Variants in ECPAS observed in about 807,000 individuals in gnomAD.
ECPAS encodes the protein proteasome adapter and scaffold protein ECM29.
ECPAS carries 70 observed loss-of-function variants against 255.1 expected under a neutral mutation model. The observed-to-expected ratio is 0.27, with a 90% CI of 0.23 to 0.33. ECPAS has a LOEUF of 0.33. Among genes scored for constraint, ECPAS ranks in the 10% least tolerant of loss-of-function variants. The probability of loss-of-function intolerance (pLI) is 1.00; values close to 1 mark genes in which losing one functional copy is unlikely to be tolerated. For missense variants in ECPAS, 1,817 were observed against 2,206.4 expected (o/e 0.82, Z 3.54); for synonymous variants, 784 against 775.0 (o/e 1.01, Z -0.19).
rs973238637 is a variant in ECPAS, at chr9:111,484,211, A to G, written c.-178T>C. ...GCGTTCGGCGGGCCGGGCCCCGGGG[A>G]GCCGCGCGCCGCAGTCCGTGAGGGG... On this transcript the variant is annotated 5_prime_UTR_variant, in exon 1 of 50. Transcript: ENST00000684092. 125 of 1,470,422 alleles carry G rather than the reference A, an allele frequency of 8.5e-5. No homozygotes were observed. Among genetic ancestry groups the G allele is most frequent in the Non-Finnish European group, 1.0e-4 (114 of 1,114,840 alleles). The allele number at this position is 1,470,422 out of a possible 1,614,324, so 91.1% of individuals were successfully genotyped here.
chr9:111,463,617 G>A (rs1412379765), intron 2 of ECPAS, among the ~76,000 whole-genome samples: 3 of 152,184 alleles, frequency 2.0e-5, no homozygotes, highest in Non-Finnish European at 4.4e-5. Context: ...AAGATTGAGT[G>A]TGACAAAAGC....
intron 24 of ECPAS, among the ~76,000 whole-genome samples, chr9:111,398,898 T>C (rs1013658017): frequency 5.3e-5 from 8 of 151,800 alleles, no homozygotes; most frequent in African/African-American, 9.7e-5. Flanking sequence ...GATTGCACCA[T>C]TGCACTCCAG....
At chr9:111,414,052 T>G (rs1445977246) in intron 19 of ECPAS, 66 bp from the exon 20 acceptor site, 13 of 1,103,342 alleles carry the variant, frequency 1.2e-5, no homozygotes, top group African/African-American at 1.6e-5. Flanking sequence ...GATCACTAAA[T>G]TCCTTTAAAG....
chr9:111,422,785 GA>G (rs975545576), intron 13 of ECPAS, among the ~76,000 whole-genome samples: 2 of 150,574 alleles, frequency 1.3e-5, no homozygotes, highest in Admixed American at 1.3e-4. Flanking sequence ...ACATTGAGAA[GA>G]AAAAAAAATC....
At chr9:111,402,180 T>C (rs982783804) in intron 24 of ECPAS, among the ~76,000 whole-genome samples, 2 of 152,234 alleles carry the variant, frequency 1.3e-5, no homozygotes, top group African/African-American at 2.4e-5. Context: ...TGGTAAGTGT[T>C]CATGAAATCT....
intron 24 of ECPAS, 46 bp downstream of exon 24, chr9:111,408,525 A>G: frequency 1.7e-6 from 2 of 1,198,188 alleles, no homozygotes; most frequent in Non-Finnish European, 2.3e-6. Context: ...AAAAAGACCA[A>G]TGCCTTTTCT....
intron 42 of ECPAS, 21 bp from the exon 43 acceptor site, chr9:111,371,850 C>T: frequency 6.3e-7 from 1 of 1,585,876 alleles, no homozygotes; most frequent in East Asian, 2.2e-5. Flanking sequence ...AAAATTAAAA[C>T]AACTTTTAAG....
chr9:111,423,022 T>C lies in ECPAS; in HGVS notation c.1265+177A>G, dbSNP rs1199312161. Among the ~76,000 whole-genome samples, 4 of 152,304 alleles carry C rather than the reference T, an allele frequency of 2.6e-5. No individual in the cohort carries two copies. The East Asian group carries it at 7.7e-4, about 29-fold the overall frequency. ...ACAGTAACATACCTTCAAATGTAAA[T>C]TAAAATGTCTCACATCTTTTTCCTT... On this transcript the variant is annotated intron_variant, in intron 13 of 49. Transcript: ENST00000684092.
chr9:111,394,338 T>G, intron 25 of ECPAS, 33 bp from the exon 26 acceptor site: 1 of 1,484,470 alleles, frequency 6.7e-7, no homozygotes, highest in South Asian at 1.4e-5. Flanking sequence ...AACAAAGAAT[T>G]AAAATAACTC....
At chr9:111,410,931 C>A in intron 22 of ECPAS, 49 bp downstream of exon 22, 3 of 1,531,946 alleles carry the variant, frequency 2.0e-6, no homozygotes, top group Non-Finnish European at 1.8e-6. Context: ...TAAAATTTAA[C>A]ATAATTCAAA....
intron 1 of ECPAS, among the ~76,000 whole-genome samples, chr9:111,479,389 A>C (rs1057103758): frequency 6.7e-6 from 1 of 149,982 alleles, no homozygotes; most frequent in African/African-American, 2.4e-5. Flanking sequence ...TGAGGTCAGG[A>C]GGTCGAGACC....
At chr9:111,388,818 G>C (rs1484863426) in intron 31 of ECPAS, among the ~76,000 whole-genome samples, 1 of 152,140 alleles carries the variant, frequency 6.6e-6, no homozygotes, top group Non-Finnish European at 1.5e-5. Context: ...AATAAAGTAT[G>C]ACACCAAGTT....
At chr9:111,444,872 G>A (rs1008652923) in intron 3 of ECPAS, among the ~76,000 whole-genome samples, 8 of 152,058 alleles carry the variant, frequency 5.3e-5, no homozygotes, top group East Asian at 1.9e-4. Context: ...CAGCATGCCC[G>A]GCTAATTTTT....
intron 1 of ECPAS, among the ~76,000 whole-genome samples, chr9:111,479,175 T>C (rs760958846): frequency 2.6e-5 from 4 of 152,196 alleles, no homozygotes; most frequent in South Asian, 2.1e-4. Context: ...GAATAATACA[T>C]ACAAAGCATT....
At chr9:111,433,146 C>CA in intron 8 of ECPAS, 87 bp downstream of exon 8, 3 of 1,450,334 alleles carry the variant, frequency 2.1e-6, no homozygotes, top group East Asian at 4.6e-5. Flanking sequence ...TGCCTCATTA[C>CA]AAAAAATCCT....
intron 48 of ECPAS, among the ~76,000 whole-genome samples, chr9:111,365,371 A>G (rs575481595): frequency 2.6e-5 from 4 of 151,922 alleles, no homozygotes; most frequent in Admixed American, 6.6e-5. Flanking sequence ...AAAATCCTAT[A>G]AAGAACATTA....
At chr9:111,395,725 T>C (rs1273716477) in intron 25 of ECPAS, among the ~76,000 whole-genome samples, 2 of 152,184 alleles carry the variant, frequency 1.3e-5, no homozygotes, top group South Asian at 2.1e-4. Flanking sequence ...CACTCCTCAG[T>C]GTGAGCCCTC....
At chr9:111,385,481 G>T in intron 32 of ECPAS, 39 bp from the exon 33 acceptor site, 1 of 1,144,130 alleles carries the variant, frequency 8.7e-7, no homozygotes, top group Non-Finnish European at 1.3e-6. Context: ...TGATGAAAAA[G>T]GTCAGTATTT....
chr9:111,421,734 T>TA (rs1396514302), intron 15 of ECPAS, among the ~76,000 whole-genome samples, 187 bp downstream of exon 15: 1 of 152,136 alleles, frequency 6.6e-6, no homozygotes, highest in African/African-American at 2.4e-5. Flanking sequence ...TAAGCATCGC[T>TA]ATGAATACTA....
Sources: allele counts gnomAD v4.1 joint callset (sites outside exome capture counted in the v4.1 genomes callset), GRCh38; gene constraint gnomAD v4.1.1; transcripts MANE v1.5; gene names NCBI Gene and HGNC (gene_info 2026-07-23, HGNC 2026-07-21).